The following SPNS2 variants were observed in gnomAD, a reference collection of about 807,000 sequenced individuals.
The protein encoded by SPNS2 is SPNS lysolipid transporter 2, sphingosine-1-phosphate, also known as sphingosine-1-phosphate transporter SPNS2.
In SPNS2, 37 loss-of-function variants were observed where a neutral mutation model predicts 57.6. The observed-to-expected ratio is 0.64, with a 90% CI of 0.49 to 0.85. SPNS2 has a LOEUF of 0.85. SPNS2 is among the 40% of genes least tolerant of loss of function. SPNS2 has a pLI of 0.00. For synonymous variants in SPNS2, 440 were observed against 346.9 expected, an observed-to-expected ratio of 1.27 and a Z score of -2.98; for missense variants, 831 against 779.1, an observed-to-expected ratio of 1.07 and a Z score of -0.79.
At chr17:4,530,923 A>C (rs1215734314) in intron 4 of SPNS2, 130 bp from the exon 5 acceptor site, 3 of 1,460,876 alleles carry the variant, frequency 2.1e-6, no homozygotes, top group African/African-American at 1.4e-5. Context: ...GCCTTTGAGA[A>C]TCTCCTGGAC....
At position 4,518,252 on chromosome 17, in the gene SPNS2, C is replaced by T. The variant is rs536468639; in HGVS notation, c.436+4940C>T. On this transcript the variant is annotated intron_variant, in intron 2 of 12. Transcript: ENST00000329078. ...TAAAATGTGTGTCTCGGGCCGGGCGCGGTGGCTCACGCCTGTAATCCCAGC... is the reference window on the plus strand; with the variant it reads ...TAAAATGTGTGTCTCGGGCCGGGCGTGGTGGCTCACGCCTGTAATCCCAGC... 1.1e-4 allele frequency among the ~76,000 whole-genome samples: 17 copies of T among 152,242 alleles called. 1 individual carries two copies. Among genetic ancestry groups the T allele is most frequent in the African/African-American group, 3.1e-4 (13 of 41,548 alleles).
chr17:4,533,653 C>T (rs1466146851), intron 8 of SPNS2, 135 bp from the exon 9 acceptor site: 5 of 1,101,952 alleles, frequency 4.5e-6, no homozygotes, highest in African/African-American at 1.5e-5. Flanking sequence ...CTGGATAGCC[C>T]ATGAATGGAT....
Position 4,536,380 on chromosome 17 carries a change from G to A in SPNS2, c.1561G>A (p.Ala521Thr), listed in dbSNP as rs148688950. 2.1e-4 allele frequency: 336 copies of A among 1,608,038 alleles called. 1 individual carries two copies. The African/African-American group carries it at 3.1e-3, about 15-fold the overall frequency. Reference sequence around the variant, plus strand: ...GGTCCTGGGCGGCATGTTCTTCCTCGCCACTGCGCTCTTCTTCGTCAGCGA... The same window carrying A: ...GGTCCTGGGCGGCATGTTCTTCCTCACCACTGCGCTCTTCTTCGTCAGCGA... ...VVVLGGMFFL[A>T]TALFFVSDRA... The change falls in exon 11 of 13, where the codon GCC becomes ACC. Residue 521 changes from alanine (A) to threonine (T), a missense_variant. Coordinates refer to ENST00000329078, the MANE Select transcript of SPNS2 (RefSeq NM_001124758.3).
chr17:4,513,714 C>T (rs982883477), intron 2 of SPNS2, among the ~76,000 whole-genome samples: 1 of 152,190 alleles, frequency 6.6e-6, no homozygotes, highest in Admixed American at 6.5e-5. Context: ...GTTTTTATCT[C>T]CTGCCCTCCC....
intron 2 of SPNS2, among the ~76,000 whole-genome samples, chr17:4,517,515 G>C (rs1389248760): frequency 2.6e-5 from 4 of 152,242 alleles, no homozygotes; most frequent in Middle Eastern, 3.4e-3. Flanking sequence ...AAATTAGCTG[G>C]GCATGGTGTG....
intron 2 of SPNS2, among the ~76,000 whole-genome samples, chr17:4,520,399 G>A (rs572304362): frequency 2.6e-4 from 40 of 152,260 alleles, no homozygotes; most frequent in African/African-American, 7.2e-4. Flanking sequence ...CATGATGGCC[G>A]GGGTCTGGCG....
intron 5 of SPNS2, among the ~76,000 whole-genome samples, chr17:4,531,614 G>GC (rs1361180511): frequency 6.6e-6 from 1 of 152,182 alleles, no homozygotes; most frequent in East Asian, 1.9e-4. Context: ...TCTCGGAGGA[G>GC]CGGAAGCTTA....
At chr17:4,513,139 G>T in intron 1 of SPNS2, 108 bp from the exon 2 acceptor site, 1 of 1,248,342 alleles carries the variant, frequency 8.0e-7, no homozygotes, top group Non-Finnish European at 1.2e-6. Flanking sequence ...CAGGAGTGCC[G>T]CAGATATGGC....
chr17:4,537,550 G>A lies in SPNS2; in HGVS notation c.*102G>A. ...TGGGCTGCCCCAAAGCTTTCTGTGT[G>A]ATCCACGGCTAGGCACCCACCCTCT... On this transcript the variant is annotated 3_prime_UTR_variant, in exon 13 of 13. Coordinates refer to ENST00000329078, the MANE Select transcript of SPNS2 (RefSeq NM_001124758.3). The A allele has an allele frequency of 2.2e-6, 1 of 456,796 alleles. No individual in the cohort carries two copies. The highest frequency in any genetic ancestry group is 4.4e-6 in the Non-Finnish European group (1 of 226,976). The allele number at this position is 456,796 out of a possible 1,614,324, so 28.3% of individuals were successfully genotyped here. A position where few individuals can be genotyped will look rare whatever the true frequency, so the allele number is the denominator to read the frequency against.
intron 2 of SPNS2, among the ~76,000 whole-genome samples, chr17:4,522,930 C>T (rs999085982): frequency 7.2e-5 from 11 of 152,254 alleles, no homozygotes; most frequent in African/African-American, 2.4e-4. Flanking sequence ...CTTTGTTCGA[C>T]ATCCCCTCAT....
At chr17:4,532,168 G>GTCCATGTATCCGTCCATCCC (rs1555537445) in intron 5 of SPNS2, among the ~76,000 whole-genome samples, 1 of 134,422 alleles carries the variant, frequency 7.4e-6, no homozygotes, top group Non-Finnish European at 1.6e-5. Context: ...CTGTCCATCT[G>GTCCATGTATCCGTCCATCCC]TCCATCTATC....
chr17:4,502,446 T>A (rs1489883767), intron 1 of SPNS2, among the ~76,000 whole-genome samples: 2 of 152,280 alleles, frequency 1.3e-5, no homozygotes, highest in East Asian at 3.9e-4. Flanking sequence ...TTTGCCTCCC[T>A]TTTCATACTA....
At chr17:4,521,920 C>G (rs889744542) in intron 2 of SPNS2, among the ~76,000 whole-genome samples, 2 of 152,184 alleles carry the variant, frequency 1.3e-5, no homozygotes, top group Non-Finnish European at 2.9e-5. Context: ...CAAACACGGC[C>G]GGGCACGGTG....
At chr17:4,505,695 G>A (rs1261107859) in intron 1 of SPNS2, among the ~76,000 whole-genome samples, 2 of 152,250 alleles carry the variant, frequency 1.3e-5, no homozygotes, top group Admixed American at 6.5e-5. Flanking sequence ...CTCGCCTGGT[G>A]GCTGGGAGGT....
At chr17:4,519,956 G>A (rs560335749) in intron 2 of SPNS2, among the ~76,000 whole-genome samples, 10 of 152,314 alleles carry the variant, frequency 6.6e-5, no homozygotes, top group Middle Eastern at 3.4e-3. Context: ...GGGGCCAGGC[G>A]GGGTCCTCCC....
chr17:4,511,515 CAG>C lies in SPNS2; in HGVS notation c.371-1729_371-1728del, dbSNP rs1904828879. 6.6e-6 allele frequency among the ~76,000 whole-genome samples: 1 copy of C among 152,184 alleles called. No homozygotes were observed. The highest frequency in any genetic ancestry group is 2.4e-5 in the African/African-American group (1 of 41,444). The stretch of plus-strand genomic sequence containing the variant: ...CAAACCTACACATCAGGAGGGGGAA[CAG>C]AGTCCTGACCCAGAAAGGAATGGGT... On this transcript the variant is annotated intron_variant, in intron 1 of 12. Coordinates refer to ENST00000329078, the MANE Select transcript of SPNS2 (RefSeq NM_001124758.3). This position sits in a 1 kb window ranked among gnomAD's most constrained non-coding sequence, Gnocchi z 4.6.
Position 4,510,950 on chromosome 17 carries a change from GT to G in SPNS2, c.371-2296del, listed in dbSNP as rs1313008117. ...TCACCTCCAAAACAGAATGTACTGTGTGACAAATTACTTCATGTCTCAGAGC... is the reference window on the plus strand; with the variant it reads ...TCACCTCCAAAACAGAATGTACTGTGGACAAATTACTTCATGTCTCAGAGC... On this transcript the variant is annotated intron_variant, in intron 1 of 12. Coordinates refer to ENST00000329078, the MANE Select transcript of SPNS2 (RefSeq NM_001124758.3). The surrounding 1 kb of genome is among the most constrained non-coding windows in gnomAD (Gnocchi z 4.4). Among the ~76,000 whole-genome samples, 1 of 152,238 alleles carries G rather than the reference GT, an allele frequency of 6.6e-6. No homozygotes were observed. Among genetic ancestry groups the G allele is most frequent in the African/African-American group, 2.4e-5 (1 of 41,464 alleles).
At chr17:4,536,469 C>T (rs905617848) in intron 11 of SPNS2, 43 bp downstream of exon 11, 1 of 1,570,726 alleles carries the variant, frequency 6.4e-7, no homozygotes, top group Non-Finnish European at 8.6e-7. Flanking sequence ...CGCCGGGAAG[C>T]AGGGACCGTG....
chr17:4,505,408 CTT>C (rs1904646522), intron 1 of SPNS2, among the ~76,000 whole-genome samples: 1 of 152,208 alleles, frequency 6.6e-6, no homozygotes, highest in Non-Finnish European at 1.5e-5. Context: ...GGTGCTGTCT[CTT>C]TGTTCTGACC....
Sources: allele counts gnomAD v4.1 joint callset (sites outside exome capture counted in the v4.1 genomes callset), GRCh38; gene constraint gnomAD v4.1.1; non-coding constraint Gnocchi (gnomAD v3.1); transcripts MANE v1.5; gene names NCBI Gene and HGNC (gene_info 2026-07-23, HGNC 2026-07-21).